Variants in FHOD3 observed in about 807,000 individuals in gnomAD.
The protein encoded by FHOD3 is formin homology 2 domain containing 3, also known as FH1/FH2 domain-containing protein 3.
Under a neutral mutation model 173.0 loss-of-function variants are expected in FHOD3, and 90 were observed. The observed-to-expected ratio is 0.52, with a 90% CI of 0.44 to 0.62. FHOD3 has a LOEUF of 0.62. Ranked by LOEUF, FHOD3 falls within the 20% of genes least tolerant of loss-of-function variation. The pLI, the probability that FHOD3 is intolerant of heterozygous loss-of-function variation, is 0.00. For synonymous variants in FHOD3, 828 were observed against 823.0 expected (o/e 1.01, Z -0.10); for missense variants, 1,945 against 2,034.7 (o/e 0.96, Z 0.85).
chr18:36,404,563 G>A (rs1480839239), intron 3 of FHOD3, among the ~76,000 whole-genome samples: 1 of 152,184 alleles, frequency 6.6e-6, no homozygotes, highest in Non-Finnish European at 1.5e-5. Context: ...ATGCCAGTGT[G>A]CAGATGTATC....
intron 3 of FHOD3, among the ~76,000 whole-genome samples, chr18:36,466,404 ACCT>A (rs2052941160): frequency 6.6e-6 from 1 of 152,122 alleles, no homozygotes; most frequent in South Asian, 2.1e-4. Context: ...TCAAATGCTG[ACCT>A]CCTCCATGGC....
In FHOD3 at chr18:36,365,813, T is replaced by G. The variant is rs2046872485; in HGVS notation, c.273-6867T>G. Among the ~76,000 whole-genome samples the G allele has an allele frequency of 2.0e-5, 3 of 152,212 alleles. No individual in the cohort carries two copies. The South Asian group carries it at 6.2e-4, about 32-fold the overall frequency. On this transcript the variant is annotated intron_variant, in intron 2 of 28. Transcript: ENST00000590592. ...TGAGAGGACACTAGCTGAGCGGAAGTTGACTGAGAAAGTTCATTCCGTCTG... is the reference window on the plus strand; with the variant it reads ...TGAGAGGACACTAGCTGAGCGGAAGGTGACTGAGAAAGTTCATTCCGTCTG...
intron 1 of FHOD3, among the ~76,000 whole-genome samples, chr18:36,311,248 C>T (rs1245925546): frequency 6.6e-6 from 1 of 152,122 alleles, no homozygotes; most frequent in African/African-American, 2.4e-5. Context: ...ATAGTCCCAG[C>T]CACTGCTAAT....
chr18:36,314,209 G>A lies in FHOD3; in HGVS notation c.165+16209G>A, dbSNP rs118054252. Among the ~76,000 whole-genome samples the A allele has an allele frequency of 1.3e-4, 20 of 152,240 alleles. No individual in the cohort carries two copies. The East Asian group carries it at 1.5e-3, about 12-fold the overall frequency. On this transcript the variant is annotated intron_variant, in intron 1 of 28. Transcript: ENST00000590592. ...ATGAATTGTGAGGCAAAGTACTGGC[G>A]TCCCCTGCCTCATGGCCTCATCATC...
chr18:36,407,471 T>C (rs1017084791), intron 3 of FHOD3, among the ~76,000 whole-genome samples: 2 of 152,174 alleles, frequency 1.3e-5, no homozygotes, highest in African/African-American at 4.8e-5. Context: ...GTTATGACCC[T>C]CACACTCACG....
At chr18:36,672,457 C>T (rs1448228304) in intron 14 of FHOD3, among the ~76,000 whole-genome samples, 1 of 152,192 alleles carries the variant, frequency 6.6e-6, no homozygotes, top group Non-Finnish European at 1.5e-5. Context: ...GTCTGGCTAT[C>T]AGCTGACTTG....
intron 3 of FHOD3, among the ~76,000 whole-genome samples, chr18:36,420,911 G>A (rs904439670): frequency 6.6e-6 from 1 of 152,144 alleles, no homozygotes; most frequent in East Asian, 1.9e-4. Flanking sequence ...TTTCATTTCA[G>A]CTGTTGACTC....
chr18:36,332,733 G>A (rs2045087008), intron 1 of FHOD3, among the ~76,000 whole-genome samples: 1 of 152,212 alleles, frequency 6.6e-6, no homozygotes, highest in African/African-American at 2.4e-5. Flanking sequence ...CCCTGGCTCA[G>A]GTTGGAGTGG....
intron 5 of FHOD3, among the ~76,000 whole-genome samples, chr18:36,540,100 G>C (rs1568401635): frequency 6.6e-6 from 1 of 152,204 alleles, no homozygotes; most frequent in Admixed American, 6.5e-5. Flanking sequence ...TGCAGGCGTG[G>C]GGTGGAGGTG....
Position 36,740,639 on chromosome 18 carries a change from T to C in FHOD3, c.3577-17T>C, listed in dbSNP as rs1020216092. 6 of 1,603,300 alleles carry C rather than the reference T, an allele frequency of 3.7e-6. No homozygotes were observed. The highest frequency in any genetic ancestry group is 1.7e-5 in the Admixed American group (1 of 58,966). On this transcript the variant is annotated splice_polypyrimidine_tract_variant and intron_variant, in intron 20 of 28. Coordinates refer to ENST00000590592, the MANE Select transcript of FHOD3 (RefSeq NM_001281740.3). ...CATCACTAAGAGAAAATATACTATA[T>C]CATCTCCTATTTCCAGAAAATTCTA...
chr18:36,514,014 C>CTTTTTTTTTTTTTTTTTTTTTTT lies in FHOD3; in HGVS notation c.511+1483_511+1484insTTTTTTTTTTTTTTTTTTTTTTT, dbSNP rs58493993. Among the ~76,000 whole-genome samples, 20 of 104,650 alleles carry CTTTTTTTTTTTTTTTTTTTTTTT rather than the reference C, an allele frequency of 1.9e-4. 3 individuals carry two copies. Among genetic ancestry groups the CTTTTTTTTTTTTTTTTTTTTTTT allele is most frequent in the Non-Finnish European group, 2.3e-4 (12 of 52,032 alleles). 68.7% of individuals were successfully genotyped at this position (104,650 alleles called of 152,430 possible). A position where few individuals can be genotyped will look rare whatever the true frequency, so the allele number is the denominator to read the frequency against. Reference sequence around the variant, plus strand: ...ATTGCTGAATTTTGCTATTTCTATTCTTTTTTTTTTTTGAGATGGAGTCTT... The same window carrying CTTTTTTTTTTTTTTTTTTTTTTT: ...ATTGCTGAATTTTGCTATTTCTATTCTTTTTTTTTTTTTTTTTTTTTTTTTTTTTTTTTTTGAGATGGAGTCTT... On this transcript the variant is annotated intron_variant, in intron 5 of 28. Transcript: ENST00000590592.
At chr18:36,608,975 G>A (rs1333968736) in intron 8 of FHOD3, among the ~76,000 whole-genome samples, 2 of 152,220 alleles carry the variant, frequency 1.3e-5, no homozygotes, top group African/African-American at 2.4e-5. Flanking sequence ...TCATGTACTG[G>A]CTTTGCCACA....
chr18:36,406,203 G>A (rs78893818), intron 3 of FHOD3, among the ~76,000 whole-genome samples: 1,994 of 152,178 alleles, frequency 0.013, 32 homozygotes, highest in African/African-American at 0.045. Flanking sequence ...TCATGCTGGT[G>A]CTGGGTCACC....
At chr18:36,741,749 C>T (rs1242073058) in intron 21 of FHOD3, among the ~76,000 whole-genome samples, 1 of 149,356 alleles carries the variant, frequency 6.7e-6, no homozygotes, top group Non-Finnish European at 1.5e-5. Context: ...CTAGCCTGGG[C>T]AACAGAGTGA....
chr18:36,320,385 A>C (rs937155869), intron 1 of FHOD3, among the ~76,000 whole-genome samples: 20 of 152,262 alleles, frequency 1.3e-4, no homozygotes, highest in Admixed American at 6.5e-5. Context: ...AAAATCTAGA[A>C]GAAATGGATA....
chr18:36,357,580 G>A (rs1257809629), intron 2 of FHOD3, among the ~76,000 whole-genome samples: 1 of 152,180 alleles, frequency 6.6e-6, no homozygotes, highest in Non-Finnish European at 1.5e-5. Flanking sequence ...GTGCATATGG[G>A]AGTGGTATCT....
intron 3 of FHOD3, among the ~76,000 whole-genome samples, chr18:36,380,578 T>TTTTCTTTTCTTTTCCTTTCC (rs1555686575): frequency 7.6e-5 from 4 of 52,458 alleles, no homozygotes; most frequent in East Asian, 1.4e-3. Flanking sequence ...TTTTCTTTTC[T>TTTTCTTTTCTTTTCCTTTCC]TTTCCTTTCC....
At chr18:36,748,396 C>G (rs545831123) in intron 24 of FHOD3, among the ~76,000 whole-genome samples, 1 of 145,492 alleles carries the variant, frequency 6.9e-6, no homozygotes, top group Non-Finnish European at 1.5e-5. Context: ...CACACACACA[C>G]ACACACACAC....
At chr18:36,666,601 T>G (rs1321281035) in intron 14 of FHOD3, among the ~76,000 whole-genome samples, 2 of 152,332 alleles carry the variant, frequency 1.3e-5, no homozygotes, top group South Asian at 2.1e-4. Context: ...TATCTACTTG[T>G]GAATTAAGTG....
Sources: allele counts gnomAD v4.1 joint callset (sites outside exome capture counted in the v4.1 genomes callset), GRCh38; gene constraint gnomAD v4.1.1; transcripts MANE v1.5; gene names NCBI Gene and HGNC (gene_info 2026-07-23, HGNC 2026-07-21).